PBX1: variants seen among roughly 807,000 people sequenced by gnomAD.
PBX1 encodes the protein PBX homeobox 1, also known as pre-B-cell leukemia transcription factor 1.
Under a neutral mutation model 53.4 loss-of-function variants are expected in PBX1, and 6 were observed. That is an observed-to-expected ratio of 0.11 (90% CI 0.06 to 0.22). The LOEUF is 0.22. Ranked by LOEUF, PBX1 falls within the 10% of genes least tolerant of loss-of-function variation. The pLI is 1.00. For synonymous variants in PBX1, 204 were observed against 212.3 expected (o/e 0.96, Z 0.34); for missense variants, 251 against 551.4 (o/e 0.46, Z 5.46).
chr1:164,731,025 T>A (rs1460476091), intron 2 of PBX1, among the ~76,000 whole-genome samples: 1 of 152,132 alleles, frequency 6.6e-6, no homozygotes, highest in Admixed American at 6.5e-5. Context: ...GTCAGAAAAA[T>A]GGAGGACTCC....
At chr1:164,619,921 C>G (rs1452017435) in intron 2 of PBX1, among the ~76,000 whole-genome samples, 1 of 152,192 alleles carries the variant, frequency 6.6e-6, no homozygotes. Flanking sequence ...TGCCTGTAAT[C>G]CCAGCACTTT....
chr1:164,849,336 C>G lies in PBX1; in HGVS notation c.*2660C>G, dbSNP rs762735499. On this transcript the variant is annotated 3_prime_UTR_variant, in exon 9 of 9. Coordinates refer to ENST00000420696, the MANE Select transcript of PBX1 (RefSeq NM_002585.4). ...GCATTTCACTTAGTCTTCTCTATAC[C>G]CAGCACCTCCCCCGGCACCCCCGGC... 7 of 1,535,640 alleles carry G rather than the reference C, an allele frequency of 4.6e-6. No homozygotes were observed. Among genetic ancestry groups the G allele is most frequent in the African/African-American group, 1.4e-5 (1 of 73,160 alleles).
intron 1 of PBX1, chr1:164,560,405 G>T (rs1028259900): frequency 1.5e-5 from 6 of 392,942 alleles, no homozygotes; most frequent in Non-Finnish European, 2.2e-5. Context: ...ATGCCTTCTT[G>T]TTGAGGGGAC....
intron 2 of PBX1, among the ~76,000 whole-genome samples, chr1:164,739,538 G>A (rs1016114634): frequency 2.6e-5 from 4 of 152,156 alleles, no homozygotes; most frequent in Admixed American, 6.5e-5. Flanking sequence ...ATTGACCTAC[G>A]CAATTTTACT....
chr1:164,866,463 AAAC>A (rs1181591849), intron 2 of PBX1, among the ~76,000 whole-genome samples: 1 of 152,240 alleles, frequency 6.6e-6, no homozygotes, highest in Non-Finnish European at 1.5e-5. Flanking sequence ...AGCAACAGAC[AAAC>A]TGTGACCCAA....
chr1:164,772,445 A>G lies in PBX1; in HGVS notation c.266-20049A>G, dbSNP rs140580478. ...AATTTGAGAGGGCTTTGCCACGAGT[A>G]TGTTTATAAAACTCACAACTGGTCT... On this transcript the variant is annotated intron_variant, in intron 2 of 8. Coordinates refer to ENST00000420696, the MANE Select transcript of PBX1 (RefSeq NM_002585.4). Among the ~76,000 whole-genome samples the G allele has an allele frequency of 1.4e-4, 22 of 152,364 alleles. No individual in the cohort carries two copies. In the East Asian group the frequency reaches 4.1e-3, roughly 28 times the overall value.
intron 2 of PBX1, among the ~76,000 whole-genome samples, chr1:164,644,785 G>A (rs1388924156): frequency 6.6e-6 from 1 of 152,094 alleles, no homozygotes; most frequent in Non-Finnish European, 1.5e-5. Context: ...AATAACCAAA[G>A]GCTTCAACGT....
At chr1:164,574,529 T>A (rs549363313) in intron 2 of PBX1, among the ~76,000 whole-genome samples, 40 of 152,154 alleles carry the variant, frequency 2.6e-4, no homozygotes, top group Middle Eastern at 3.2e-3. Context: ...AAAAGAAAAT[T>A]CTTTTTCATT....
intron 2 of PBX1, among the ~76,000 whole-genome samples, chr1:164,865,984 GGAAGTGGACTC>G (rs1313754436): frequency 2.6e-5 from 4 of 152,130 alleles, no homozygotes; most frequent in African/African-American, 9.7e-5. Flanking sequence ...TGTAGCCTCA[GGAAGTGGACTC>G]AAGGCACACA....
intron 8 of PBX1, among the ~76,000 whole-genome samples, chr1:164,831,775 C>A (rs1242281516): frequency 6.6e-6 from 1 of 152,158 alleles, no homozygotes; most frequent in Non-Finnish European, 1.5e-5. Context: ...AATGGAAGGA[C>A]AGGGCACATA....
At chr1:164,732,267 G>C (rs1032196678) in intron 2 of PBX1, among the ~76,000 whole-genome samples, 11 of 152,124 alleles carry the variant, frequency 7.2e-5, no homozygotes, top group African/African-American at 2.7e-4. Flanking sequence ...TTGATAAAAG[G>C]ATGGTTACTC....
intron 2 of PBX1, among the ~76,000 whole-genome samples, chr1:164,779,042 ATTT>A (rs11350510): frequency 7.3e-4 from 97 of 132,018 alleles, no homozygotes; most frequent in African/African-American, 2.3e-3. Flanking sequence ...AAAGGAGATA[ATTT>A]TTTTTTTTTT....
intron 2 of PBX1, among the ~76,000 whole-genome samples, chr1:164,877,609 G>A (rs1672546385): frequency 6.6e-6 from 1 of 152,064 alleles, no homozygotes; most frequent in Non-Finnish European, 1.5e-5. Context: ...GTTGCAGTGA[G>A]CTGAGATCGC....
intron 2 of PBX1, among the ~76,000 whole-genome samples, chr1:164,585,347 A>G (rs1254451401): frequency 6.6e-6 from 1 of 152,202 alleles, no homozygotes; most frequent in Admixed American, 6.5e-5. Context: ...CCTTCCCCCA[A>G]TCCCAGGGCA....
At chr1:164,723,622 G>A (rs961854802) in intron 2 of PBX1, among the ~76,000 whole-genome samples, 12 of 152,202 alleles carry the variant, frequency 7.9e-5, no homozygotes, top group African/African-American at 2.7e-4. Flanking sequence ...CTAAAAGGAC[G>A]TTTTCCTTTC....
chr1:164,799,957 G>T, intron 4 of PBX1, 68 bp downstream of exon 4: 1 of 1,407,468 alleles, frequency 7.1e-7, no homozygotes, highest in South Asian at 1.3e-5. Flanking sequence ...GTCCACAGCC[G>T]CTGCCCCCTT....
intron 2 of PBX1, among the ~76,000 whole-genome samples, chr1:164,625,250 AG>A (rs1657960941): frequency 1.3e-5 from 2 of 152,198 alleles, no homozygotes; most frequent in Admixed American, 1.3e-4. Context: ...AAATGCCCCA[AG>A]TTTGCAGCTT....
chr1:164,636,360 G>A (rs1019937285), intron 2 of PBX1, among the ~76,000 whole-genome samples: 1 of 152,116 alleles, frequency 6.6e-6, no homozygotes, highest in African/African-American at 2.4e-5. Context: ...ATTTCAGCTT[G>A]GAACAAGGTG....
chr1:164,793,937 C>T (rs1196298392), intron 3 of PBX1, among the ~76,000 whole-genome samples: 25 of 141,694 alleles, frequency 1.8e-4, no homozygotes, highest in East Asian at 6.4e-4. Context: ...TGCACCGGCA[C>T]GATCTCTGTT....
Sources: gnomAD v4.1 joint callset for allele counts (sites outside exome capture counted in the v4.1 genomes callset) on GRCh38, gnomAD v4.1.1 for gene constraint, MANE v1.5 for transcripts, NCBI Gene and HGNC (gene_info 2026-07-23, HGNC 2026-07-21) for gene names.